NARF: variants seen among roughly 807,000 people sequenced by gnomAD.
NARF encodes nuclear prelamin A recognition factor.
In NARF, 41 loss-of-function variants were observed where a neutral mutation model predicts 48.0. That is an observed-to-expected ratio of 0.85 (90% confidence interval 0.66 to 1.11). The LOEUF (loss-of-function observed/expected upper bound fraction) is 1.11. Ranked by LOEUF, NARF falls within the 50% of genes least tolerant of loss-of-function variation. NARF has a pLI of 0.00. For missense variants in NARF, 613 were observed against 590.2 expected, an observed-to-expected ratio of 1.04 and a Z score of -0.40; for synonymous variants, 215 against 225.5, an observed-to-expected ratio of 0.95 and a Z score of 0.42.
In NARF at chr17:82,489,919, C is replaced by T. The variant is rs1261276258; in HGVS notation, c.*1762C>T. On this transcript the variant is annotated 3_prime_UTR_variant, in exon 11 of 11. Transcript: ENST00000309794. ...CTCGGCTCACAGCAACCTCCGCCTC[C>T]TGGGTTCAAGCGATTCTCCTGCCTC... 6.6e-6 allele frequency: 1 copy of T among 152,276 alleles called. No individual in the cohort carries two copies. The highest frequency in any genetic ancestry group is 1.9e-4 in the East Asian group (1 of 5,196). The allele number at this position is 152,276 out of a possible 1,614,324, so 9.4% of individuals were successfully genotyped here.
Position 82,488,142 on chromosome 17 carries a change from G to A in NARF, c.1356G>A (p.Leu452=). The change falls in exon 11 of 11, where the codon CTG becomes CTA. Residue 452 remains leucine (L), a synonymous_variant. Coordinates refer to ENST00000309794, the MANE Select transcript of NARF (RefSeq NM_012336.4). ...GCCAGGAGCGTGGCACACACAGCCT[G>A]GACATCAAGTGGTGAAGTCAGGCCA... ...YQSQERGTHS[L]DIKW 6.2e-7 allele frequency: 1 copy of A among 1,613,832 alleles called. No homozygotes were observed. Among genetic ancestry groups the A allele is most frequent in the Non-Finnish European group, 8.5e-7 (1 of 1,179,884 alleles).
chr17:82,484,568 C>G (rs1314392187), intron 8 of NARF: 3 of 388,766 alleles, frequency 7.7e-6, no homozygotes, highest in Admixed American at 4.4e-5. Flanking sequence ...GGAGCACCTG[C>G]AAGAGCCTGT....
At chr17:82,479,921 G>A (rs1353092546) in intron 6 of NARF, 1 of 152,844 alleles carries the variant, frequency 6.5e-6, no homozygotes, top group Non-Finnish European at 1.5e-5. Context: ...CACCTGAAGA[G>A]AGCCATGTGT....
Position 82,490,534 on chromosome 17 carries a change from C to T in NARF, c.*2377C>T, listed in dbSNP as rs1024106433. 6 of 152,370 alleles carry T rather than the reference C, an allele frequency of 3.9e-5. No homozygotes were observed. The highest frequency in any genetic ancestry group is 1.2e-4 in the African/African-American group (5 of 41,588). The allele number at this position is 152,370 out of a possible 1,614,324, so 9.4% of individuals were successfully genotyped here. On this transcript the variant is annotated 3_prime_UTR_variant, in exon 11 of 11. Coordinates refer to ENST00000309794, the MANE Select transcript of NARF (RefSeq NM_012336.4). ...CTGATTCTGGAATAAACAGTTGCAG[C>T]GTGTCTGAGTGAATGGTTGAGTGAG... is the stretch of plus-strand genomic sequence containing the variant.
intron 3 of NARF, 111 bp from the exon 4 acceptor site, chr17:82,468,653 G>A: frequency 9.7e-7 from 1 of 1,033,182 alleles, no homozygotes; most frequent in Non-Finnish European, 1.4e-6. Flanking sequence ...TATTTTATTA[G>A]TCTTTGCATA....
intron 3 of NARF, 70 bp downstream of exon 3, chr17:82,464,500 C>A (rs2043514571): frequency 1.3e-6 from 2 of 1,533,044 alleles, no homozygotes; most frequent in African/African-American, 1.4e-5. Context: ...GGCCTGGCTT[C>A]CTGCACAGAA....
chr17:82,471,454 C>CAA lies in NARF; in HGVS notation c.386-1094_386-1093dup, dbSNP rs545400643. On this transcript the variant is annotated intron_variant, in intron 4 of 10. Transcript: ENST00000309794. Reference sequence around the variant, plus strand: ...TGGGCAACAGGGCGAGACACTGTCTCAAAAAAAAAAAAAAAAATTCAGTAT... The same window carrying CAA: ...TGGGCAACAGGGCGAGACACTGTCTCAAAAAAAAAAAAAAAAAAATTCAGTAT... 5.0e-3 allele frequency among the ~76,000 whole-genome samples: 493 copies of CAA among 99,566 alleles called. 5 individuals are homozygous for CAA. Among genetic ancestry groups the CAA allele is most frequent in the Middle Eastern group, 0.024 (4 of 170 alleles). 65.3% of individuals were successfully genotyped at this position (99,566 alleles called of 152,430 possible).
chr17:82,472,761 C>T, intron 5 of NARF, 63 bp downstream of exon 5: 1 of 1,566,440 alleles, frequency 6.4e-7, no homozygotes. Flanking sequence ...CAAGATTCTG[C>T]AGGCTCTAGA....
intron 10 of NARF, among the ~76,000 whole-genome samples, chr17:82,487,201 G>T (rs1215348279): frequency 3.3e-5 from 5 of 152,064 alleles, no homozygotes. Flanking sequence ...GAGGCACACG[G>T]GTCCAGGCAC....
rs2044144993 is a variant in NARF, at chr17:82,488,315, G to A, written c.*158G>A. ...GTTCCCTGCTACCCCGTTTATTGGA[G>A]GCCCCTCAGGCAGTTTCATGTGGTG... On this transcript the variant is annotated 3_prime_UTR_variant, in exon 11 of 11. Coordinates refer to ENST00000309794, the MANE Select transcript of NARF (RefSeq NM_012336.4). 3 of 1,160,824 alleles carry A rather than the reference G, an allele frequency of 2.6e-6. No homozygotes were observed. In the Admixed American group the frequency reaches 8.8e-5, roughly 34 times the overall value. The allele number at this position is 1,160,824 out of a possible 1,614,324, so 71.9% of individuals were successfully genotyped here. A position where few individuals can be genotyped will look rare whatever the true frequency, so the allele number is the denominator to read the frequency against.
At chr17:82,471,797 A>AAAAAAAAAG (rs2043714858) in intron 4 of NARF, among the ~76,000 whole-genome samples, 1 of 147,786 alleles carries the variant, frequency 6.8e-6, no homozygotes. Flanking sequence ...GTCTCAAAAA[A>AAAAAAAAAG]AAAAAAAAAA....
At chr17:82,480,879 CTGA>C in intron 6 of NARF, 200 bp from the exon 7 acceptor site, 1 of 632,282 alleles carries the variant, frequency 1.6e-6, no homozygotes, top group Admixed American at 3.0e-5. Context: ...TTGCAGTGAG[CTGA>C]GATCACGCCA....
intron 5 of NARF, among the ~76,000 whole-genome samples, chr17:82,478,085 C>A (rs982473389): frequency 3.3e-5 from 5 of 152,142 alleles, no homozygotes; most frequent in Non-Finnish European, 5.9e-5. Flanking sequence ...AAATCAGTTG[C>A]CAGGTCAGCA....
rs946471231 is a variant in NARF, at chr17:82,458,743, C to A, written c.-61C>A. ...GGCCGCGGGCGGCGGGCAGTGGTGT[C>A]CCAGTCTCCCGGTGCTTCCCTGAGG... On this transcript the variant is annotated 5_prime_UTR_variant, in exon 1 of 11. Transcript: ENST00000309794. 3 of 1,473,040 alleles carry A rather than the reference C, an allele frequency of 2.0e-6. No homozygotes were observed. Among genetic ancestry groups the A allele is most frequent in the African/African-American group, 1.5e-5 (1 of 68,222 alleles). The allele number at this position is 1,473,040 out of a possible 1,614,324, so 91.2% of individuals were successfully genotyped here. A position where few individuals can be genotyped will look rare whatever the true frequency, so the allele number is the denominator to read the frequency against.
intron 10 of NARF, 119 bp from the exon 11 acceptor site, chr17:82,487,797 C>CAAAAA: frequency 2.2e-5 from 11 of 505,634 alleles, no homozygotes; most frequent in Non-Finnish European, 3.4e-5. Context: ...CCAATCTCTA[C>CAAAAA]AAAAAATTTA....
chr17:82,470,265 A>G (rs2043667892), intron 4 of NARF, among the ~76,000 whole-genome samples: 1 of 152,154 alleles, frequency 6.6e-6, no homozygotes, highest in South Asian at 2.1e-4. Context: ...ACCCAGCTAC[A>G]GCGACAGGTG....
upstream of NARF, chr17:82,458,507 C>G: frequency 2.7e-6 from 1 of 373,608 alleles, no homozygotes; most frequent in Non-Finnish European, 4.8e-6. Context: ...CCCCCCGGCG[C>G]CGTACGTGGA....
rs1253509122 is a variant in NARF at position 82,472,613 on chromosome 17, G to A, written c.435G>A (p.Leu145=). 4 of 1,613,738 alleles carry A rather than the reference G, an allele frequency of 2.5e-6. No homozygotes were observed. The highest frequency in any genetic ancestry group is 3.4e-6 in the Non-Finnish European group (4 of 1,179,876). The change falls in exon 5 of 11, where the codon CTG becomes CTA. Residue 145 remains leucine (L), a synonymous_variant. Coordinates refer to ENST00000309794, the MANE Select transcript of NARF (RefSeq NM_012336.4). Reference sequence around the variant, plus strand: ...CGATAGCTGCGGATTTTAGTATCCTGGAGAGTCAAAAAGAATTCGTGCGTC... The same window carrying A: ...CGATAGCTGCGGATTTTAGTATCCTAGAGAGTCAAAAAGAATTCGTGCGTC... The part of the protein sequence containing the change: ...DTTIAADFSI[L]ESQKEFVRRY...
At chr17:82,471,292 A>G (rs1202574818) in intron 4 of NARF, among the ~76,000 whole-genome samples, 4 of 151,168 alleles carry the variant, frequency 2.6e-5, no homozygotes, top group Admixed American at 2.0e-4. Flanking sequence ...TGTCTCTACT[A>G]AAAATTCAAA....
Sources: gnomAD v4.1 joint callset for allele counts (sites outside exome capture counted in the v4.1 genomes callset) on GRCh38, gnomAD v4.1.1 for gene constraint, MANE v1.5 for transcripts, NCBI Gene and HGNC (gene_info 2026-07-23, HGNC 2026-07-21) for gene names.